Variants in FNDC3A observed in about 807,000 individuals in gnomAD.
FNDC3A encodes fibronectin type-III domain-containing protein 3A.
In FNDC3A, 32 loss-of-function variants were observed where a neutral mutation model predicts 148.9. The ratio of observed to expected loss-of-function variants is 0.21; its 90% CI spans 0.16 to 0.29. The LOEUF (loss-of-function observed/expected upper bound fraction) is 0.29. Among genes scored for constraint, FNDC3A ranks in the 10% least tolerant of loss-of-function variants. The pLI, the probability that FNDC3A is intolerant of heterozygous loss-of-function variation, is 1.00. For missense variants in FNDC3A, 1,191 were observed against 1,452.8 expected (o/e 0.82, Z 2.93); for synonymous variants, 472 against 473.6 (o/e 1.00, Z 0.04).
intron 8 of FNDC3A, among the ~76,000 whole-genome samples, chr13:49,159,404 T>C (rs1593681120): frequency 6.6e-6 from 1 of 152,230 alleles, no homozygotes. Flanking sequence ...AGTTCACTCA[T>C]GATTTGGCTC....
chr13:49,141,203 T>C (rs993091131), intron 7 of FNDC3A, among the ~76,000 whole-genome samples: 8 of 152,212 alleles, frequency 5.3e-5, no homozygotes, highest in Non-Finnish European at 1.0e-4. Context: ...AATAATGGTA[T>C]TGTATACCCT....
At chr13:49,138,309 A>G (rs1260705167) in intron 6 of FNDC3A, among the ~76,000 whole-genome samples, 1 of 152,196 alleles carries the variant, frequency 6.6e-6, no homozygotes, top group African/African-American at 2.4e-5. Flanking sequence ...AGTGGTGGCT[A>G]TAAGTTACAG....
chr13:49,015,479 TCAG>T (rs1469940497), intron 2 of FNDC3A, among the ~76,000 whole-genome samples: 1 of 152,246 alleles, frequency 6.6e-6, no homozygotes, highest in Non-Finnish European at 1.5e-5. Context: ...AAGTTGCTTA[TCAG>T]CTTAAGAAGA....
chr13:49,130,873 A>G (rs577149658), intron 4 of FNDC3A, among the ~76,000 whole-genome samples: 20 of 152,130 alleles, frequency 1.3e-4, no homozygotes, highest in African/African-American at 4.3e-4. Context: ...GGTTCAAGCA[A>G]TTCTGCCTCA....
intron 2 of FNDC3A, among the ~76,000 whole-genome samples, chr13:49,066,354 A>G (rs1426169296): frequency 6.6e-6 from 1 of 152,206 alleles, no homozygotes; most frequent in African/African-American, 2.4e-5. Context: ...TGAGTTCTCT[A>G]GAGTAGATCT....
chr13:49,049,932 C>T (rs1875712879), intron 2 of FNDC3A, among the ~76,000 whole-genome samples: 1 of 152,134 alleles, frequency 6.6e-6, no homozygotes, highest in Non-Finnish European at 1.5e-5. Context: ...GTTGGCCAGG[C>T]TGGTCGTGAA....
chr13:49,121,727 C>T (rs1334714497), intron 4 of FNDC3A, among the ~76,000 whole-genome samples: 1 of 152,120 alleles, frequency 6.6e-6, no homozygotes, highest in African/African-American at 2.4e-5. Flanking sequence ...CACCTCTATG[C>T]AAATAAACTA....
chr13:48,978,228 A>T (rs1172417548), intron 1 of FNDC3A, among the ~76,000 whole-genome samples: 1 of 152,108 alleles, frequency 6.6e-6, no homozygotes, highest in Non-Finnish European at 1.5e-5. Flanking sequence ...AGCATATTTT[A>T]TTACTAATTT....
chr13:49,064,060 A>T (rs763918218), intron 2 of FNDC3A, among the ~76,000 whole-genome samples: 1 of 152,174 alleles, frequency 6.6e-6, no homozygotes, highest in Non-Finnish European at 1.5e-5. Flanking sequence ...TAGTCTGTGG[A>T]GGCCAGGCGT....
intron 2 of FNDC3A, among the ~76,000 whole-genome samples, chr13:49,054,182 G>T (rs1413399725): frequency 6.6e-6 from 1 of 152,140 alleles, no homozygotes; most frequent in Non-Finnish European, 1.5e-5. Flanking sequence ...GCCTAAAAGA[G>T]GGTCCTTAGT....
In FNDC3A at chr13:49,083,837, T is replaced by C. The variant is rs149196824; in HGVS notation, c.175+8473T>C. Among the ~76,000 whole-genome samples the C allele has an allele frequency of 2.0e-3, 311 of 152,358 alleles. 3 individuals carry two copies. Among genetic ancestry groups the C allele is most frequent in the African/African-American group, 7.1e-3 (295 of 41,588 alleles). ...TTCATACCCTGGTTGGGTGATATTA[T>C]AAAAGTAATTCCAGCATAGAAAGAT... is the stretch of plus-strand genomic sequence containing the variant. On this transcript the variant is annotated intron_variant, in intron 3 of 25. Coordinates refer to ENST00000492622, the MANE Select transcript of FNDC3A (RefSeq NM_001079673.2).
chr13:48,994,647 G>T lies in FNDC3A; in HGVS notation c.-39-11505G>T, dbSNP rs188549715. ...GCAAAAATTAGCTGGGCGTGGTGGC[G>T]CATGCCTGTAATCCCAGCTACTCCG... On this transcript the variant is annotated intron_variant, in intron 1 of 25. Coordinates refer to ENST00000492622, the MANE Select transcript of FNDC3A (RefSeq NM_001079673.2). Among the ~76,000 whole-genome samples, 121 of 152,098 alleles carry T rather than the reference G, an allele frequency of 8.0e-4. No homozygotes were observed. In the Middle Eastern group the frequency reaches 0.01, roughly 13 times the overall value.
chr13:49,134,421 A>G (rs557525890), intron 5 of FNDC3A, among the ~76,000 whole-genome samples: 3 of 152,196 alleles, frequency 2.0e-5, no homozygotes, highest in Non-Finnish European at 2.9e-5. Context: ...TCTGTTGATT[A>G]CATTTTATCA....
intron 2 of FNDC3A, among the ~76,000 whole-genome samples, chr13:49,027,884 G>T (rs1246502505): frequency 1.3e-5 from 2 of 152,048 alleles, no homozygotes; most frequent in African/African-American, 4.8e-5. Flanking sequence ...CATCTAAATG[G>T]ATCAAACATA....
Position 49,128,515 on chromosome 13 carries a change from G to A in FNDC3A, c.253-2622G>A, listed in dbSNP as rs187350316. Among the ~76,000 whole-genome samples the A allele has an allele frequency of 5.3e-5, 8 of 152,196 alleles. No homozygotes were observed. The East Asian group carries it at 1.2e-3, about 22-fold the overall frequency. On this transcript the variant is annotated intron_variant, in intron 4 of 25. Transcript: ENST00000492622. ...AATAGTGCACCTCCCCCACTGCCCCGAGTTGTGACAACTATAAATGTCTCC... is the reference window on the plus strand; with the variant it reads ...AATAGTGCACCTCCCCCACTGCCCCAAGTTGTGACAACTATAAATGTCTCC...
chr13:49,160,720 G>T (rs1237038102), intron 8 of FNDC3A, among the ~76,000 whole-genome samples: 1 of 151,424 alleles, frequency 6.6e-6, no homozygotes, highest in African/African-American at 2.4e-5. Context: ...TTACGGTGTC[G>T]ATTTTAGATC....
intron 8 of FNDC3A, among the ~76,000 whole-genome samples, chr13:49,148,377 G>A (rs1883109979): frequency 6.6e-6 from 1 of 152,030 alleles, no homozygotes; most frequent in Non-Finnish European, 1.5e-5. Context: ...GCCTTCTTGT[G>A]TTTATTTTTA....
At position 49,175,542 on chromosome 13, in the gene FNDC3A, G is replaced by T; in HGVS notation, c.1530+1G>T. ...TTTAGAGATGGAGGAAGAAACTTCA[G>T]TAAGTGCAAATATGGATTTTAAATA... is the stretch of plus-strand genomic sequence containing the variant. On this transcript the variant is annotated splice_donor_variant, in intron 13 of 25. Coordinates refer to ENST00000492622, the MANE Select transcript of FNDC3A (RefSeq NM_001079673.2). LOFTEE classifies it high-confidence loss of function. 1.3e-6 allele frequency: 2 copies of T among 1,597,696 alleles called. No individual in the cohort carries two copies. Among genetic ancestry groups the T allele is most frequent in the Non-Finnish European group, 1.7e-6 (2 of 1,169,540 alleles).
chr13:49,193,272 A>C (rs1446217678), intron 19 of FNDC3A, among the ~76,000 whole-genome samples: 1 of 152,014 alleles, frequency 6.6e-6, no homozygotes, highest in East Asian at 1.9e-4. Flanking sequence ...AGATAGACAG[A>C]CTTTTTTTTT....
Sources: gnomAD v4.1 joint callset for allele counts (sites outside exome capture counted in the v4.1 genomes callset) on GRCh38, gnomAD v4.1.1 for gene constraint, MANE v1.5 for transcripts, NCBI Gene and HGNC (gene_info 2026-07-23, HGNC 2026-07-21) for gene names.